Variants in FBXL16 observed in about 807,000 individuals in gnomAD.
FBXL16 encodes F-box/LRR-repeat protein 16.
A neutral mutation model predicts 36.7 loss-of-function variants in FBXL16; 7 were observed. That is an observed-to-expected ratio of 0.19 (90% CI 0.11 to 0.36). FBXL16 has a LOEUF of 0.36. FBXL16 is among the 10% of genes least tolerant of loss of function. The pLI is 1.00. For missense variants in FBXL16, 463 were observed against 659.4 expected (o/e 0.70, Z 3.26); for synonymous variants, 355 against 308.7 (o/e 1.15, Z -1.57).
rs4984915 is a variant in FBXL16, at chr16:696,914, G to A, written c.492C>T (p.Ala164=). The change falls in exon 2 of 6, where the codon GCC becomes GCT. Residue 164 remains alanine, a synonymous_variant. Coordinates refer to ENST00000397621, the MANE Select transcript of FBXL16 (RefSeq NM_153350.4). ...EKEFVNLQGF[A]ARGFEGFCLV... ...GGCAGAAGCCCTCGAAGCCTCTGGC[G>A]GCAAAACCCTGCAGGTTCACGAACT... The A allele has an allele frequency of 0.26, 418,673 of 1,607,004 alleles. 63,257 individuals are homozygous for A. Among genetic ancestry groups the A allele is most frequent in the East Asian group, 0.71 (31,611 of 44,728 alleles).
Position 694,146 on chromosome 16 carries a change from C to T in FBXL16, c.*129G>A. ...GGAGGGGCTTTCCCTCGGCTCGCCC[C>T]GCCTCCCGCGCTGGGCCGGGGGCGC... On this transcript the variant is annotated 3_prime_UTR_variant, in exon 6 of 6. Coordinates refer to ENST00000397621, the MANE Select transcript of FBXL16 (RefSeq NM_153350.4). 1.7e-6 allele frequency: 1 copy of T among 580,016 alleles called. No individual in the cohort carries two copies. Among genetic ancestry groups the T allele is most frequent in the East Asian group, 4.2e-5 (1 of 23,682 alleles). The allele number at this position is 580,016 out of a possible 1,614,324, so 35.9% of individuals were successfully genotyped here.
At position 705,585 on chromosome 16, in the gene FBXL16, G is replaced by A. The variant is rs1328157242; in HGVS notation, c.-88C>T. On this transcript the variant is annotated 5_prime_UTR_variant, in exon 1 of 6. In the 5' UTR this introduces an upstream ATG that the reference lacks. Transcript: ENST00000397621. ...CCGTCATGGGGAGCCCGGCATGGGC[G>A]TCGGCGCGCGGGGGCCGCCGGGGTG... 2 of 150,120 alleles carry A rather than the reference G, an allele frequency of 1.3e-5. No individual in the cohort carries two copies. Among genetic ancestry groups the A allele is most frequent in the Non-Finnish European group, 3.0e-5 (2 of 67,278 alleles). The allele number at this position is 150,120 out of a possible 1,614,324, so 9.3% of individuals were successfully genotyped here.
At chr16:703,240 A>G (rs1309603571) in intron 1 of FBXL16, among the ~76,000 whole-genome samples, 1 of 152,046 alleles carries the variant, frequency 6.6e-6, no homozygotes, top group Non-Finnish European at 1.5e-5. Flanking sequence ...ACGGCGCTGC[A>G]TTCCTTGCAG....
rs954290745 is a variant in FBXL16, at chr16:701,980, C to T, written c.-15+3532G>A. ...CTGGGAGCTGCTGGGGAGAGGTGGC[C>T]GTGGCCTCTGTGTCCTCCCCAGGGG... On this transcript the variant is annotated intron_variant, in intron 1 of 5. Transcript: ENST00000397621. Among the ~76,000 whole-genome samples, 4 of 152,130 alleles carry T rather than the reference C, an allele frequency of 2.6e-5. No individual in the cohort carries two copies. The South Asian group carries it at 6.2e-4, about 24-fold the overall frequency.
intron 1 of FBXL16, among the ~76,000 whole-genome samples, chr16:705,307 G>A (rs2040084897): frequency 6.6e-6 from 1 of 152,092 alleles, no homozygotes; most frequent in African/African-American, 2.4e-5. Flanking sequence ...CAGGGGCCGG[G>A]GCGCGGGGCT....
intron 1 of FBXL16, among the ~76,000 whole-genome samples, chr16:701,842 G>C (rs2040059691): frequency 6.6e-6 from 1 of 152,220 alleles, no homozygotes; most frequent in Non-Finnish European, 1.5e-5. Context: ...AGCCCCTGTG[G>C]TGCTGGCTCA....
intron 1 of FBXL16, among the ~76,000 whole-genome samples, chr16:700,749 C>T (rs982585855): frequency 1.3e-5 from 2 of 152,070 alleles, no homozygotes; most frequent in Non-Finnish European, 2.9e-5. Context: ...GACGCCTGGG[C>T]CTCCGCAGAC....
At chr16:695,352 C>CGCCCCGCCCAGCCCCGCCA (rs2040002880) in intron 3 of FBXL16, 63 bp downstream of exon 3, 1 of 1,116,984 alleles carries the variant, frequency 9.0e-7, no homozygotes, top group African/African-American at 1.7e-5. Flanking sequence ...CAGCCCCGCC[C>CGCCCCGCCCAGCCCCGCCA]CGCCCCGCCC....
chr16:697,446 T>G lies in FBXL16; in HGVS notation c.-14-27A>C, dbSNP rs1378596137. 1.1e-5 allele frequency: 17 copies of G among 1,489,412 alleles called. No individual in the cohort carries two copies. The East Asian group carries it at 1.5e-4, about 13-fold the overall frequency. 92.3% of individuals were successfully genotyped at this position (1,489,412 alleles called of 1,614,324 possible). ...TGTGGATGAGGGCCGGGAGGGGGAG[T>G]GAGTCTGTTGCTGAGTCTGGAAGGC... On this transcript the variant is annotated intron_variant, in intron 1 of 5. Transcript: ENST00000397621. The surrounding 1 kb of genome is among the most constrained non-coding windows in gnomAD (Gnocchi z 4.6).
chr16:695,846 C>A lies in FBXL16; in HGVS notation c.711G>T (p.Trp237Cys). Residue 237 changes from tryptophan to cysteine, a missense_variant, in exon 3 of 6, where the codon TGG (tryptophan) becomes TGT (cysteine). This residue lies in a region of FBXL16 where 263 missense variants were observed against 341.1 expected (regional missense o/e 0.77). Transcript: ENST00000397621. The stretch of plus-strand genomic sequence containing the variant: ...AGGTGATGCGCGCGCTCAGGCTGGA[C>A]CACAGCCCGGCCTCGGTGAAGTCGT... ...GCNDFTEAGL[W>C]SSLSARITSL... 6.2e-7 allele frequency: 1 copy of A among 1,605,644 alleles called. No individual in the cohort carries two copies. Among genetic ancestry groups the A allele is most frequent in the Non-Finnish European group, 8.5e-7 (1 of 1,175,034 alleles).
At chr16:700,231 T>A (rs2151521943) in intron 1 of FBXL16, among the ~76,000 whole-genome samples, 1 of 152,298 alleles carries the variant, frequency 6.6e-6, no homozygotes, top group Non-Finnish European at 1.5e-5. Context: ...AGAACCCAGC[T>A]TTGGGTTTAA....
At chr16:696,113 T>C (rs1394725897) in intron 2 of FBXL16, 190 bp from the exon 3 acceptor site, 1 of 796,056 alleles carries the variant, frequency 1.3e-6, no homozygotes, top group Non-Finnish European at 1.9e-6. Flanking sequence ...GCACCAGCGT[T>C]ACAATTAGAC....
chr16:693,071 G>A lies in FBXL16; in HGVS notation c.*1204C>T, dbSNP rs2039982875. The A allele has an allele frequency of 6.6e-6, 1 of 151,582 alleles. No homozygotes were observed. Among genetic ancestry groups the A allele is most frequent in the African/African-American group, 2.4e-5 (1 of 41,290 alleles). The allele number at this position is 151,582 out of a possible 1,614,324, so 9.4% of individuals were successfully genotyped here. A position where few individuals can be genotyped will look rare whatever the true frequency, so the allele number is the denominator to read the frequency against. On this transcript the variant is annotated 3_prime_UTR_variant, in exon 6 of 6. Transcript: ENST00000397621. The stretch of plus-strand genomic sequence containing the variant: ...CCCAGCCCCCTCCTCAGCAACAGCT[G>A]AGATTTGCCAGCATCCCCCAGGACT...
chr16:695,250 G>A, intron 3 of FBXL16, 165 bp downstream of exon 3: 3 of 1,139,622 alleles, frequency 2.6e-6, no homozygotes, highest in Non-Finnish European at 3.6e-6. Context: ...CCCGTGCTGC[G>A]GTTCTGCGGT....
intron 4 of FBXL16, 63 bp downstream of exon 4, chr16:694,929 G>C: frequency 6.9e-7 from 1 of 1,456,146 alleles, no homozygotes; most frequent in Non-Finnish European, 9.2e-7. Context: ...GTGGGGCCGG[G>C]AGCTCTCCCC....
In FBXL16 at chr16:692,626, A is replaced by G. The variant is rs1375069307; in HGVS notation, c.*1649T>C. On this transcript the variant is annotated 3_prime_UTR_variant, in exon 6 of 6. Coordinates refer to ENST00000397621, the MANE Select transcript of FBXL16 (RefSeq NM_153350.4). ...CAGGAGAATGAGGTCGTTATGTACA[A>G]TAAGAAAATGATTTTAGGGGTTGGT... 1 of 152,552 alleles carries G rather than the reference A, an allele frequency of 6.6e-6. No individual in the cohort carries two copies. The highest frequency in any genetic ancestry group is 1.5e-5 in the Non-Finnish European group (1 of 68,036). The allele number at this position is 152,552 out of a possible 1,614,324, so 9.4% of individuals were successfully genotyped here.
At chr16:695,135 G>C (rs1370428321) in intron 3 of FBXL16, 59 bp from the exon 4 acceptor site, 9 of 1,526,632 alleles carry the variant, frequency 5.9e-6, no homozygotes, top group Non-Finnish European at 8.0e-6. Flanking sequence ...GCCATCCCTC[G>C]TCTTCCTGGG....
intron 1 of FBXL16, among the ~76,000 whole-genome samples, chr16:700,140 C>A (rs1388063486): frequency 1.3e-5 from 2 of 152,232 alleles, no homozygotes; most frequent in African/African-American, 4.8e-5. Flanking sequence ...GCCAGCCTTG[C>A]CACCGGTCCA....
intron 1 of FBXL16, among the ~76,000 whole-genome samples, chr16:702,784 C>G (rs7196356): frequency 6.6e-6 from 1 of 152,152 alleles, no homozygotes. Flanking sequence ...CTGGGGTGGG[C>G]CTTGCAATAC....
Sources: allele counts gnomAD v4.1 joint callset (sites outside exome capture counted in the v4.1 genomes callset), GRCh38; gene constraint gnomAD v4.1.1; regional missense constraint gnomAD v4.1.1; non-coding constraint Gnocchi (gnomAD v3.1); transcripts MANE v1.5; gene names NCBI Gene and HGNC (gene_info 2026-07-23, HGNC 2026-07-21).